The following C4orf50 variants were observed in gnomAD, a reference collection of about 807,000 sequenced individuals.
C4orf50 encodes the protein uncharacterized protein C4orf50.
Under a neutral mutation model 77.2 loss-of-function variants are expected in C4orf50, and 80 were observed. That is an observed-to-expected ratio of 1.04 (90% CI 0.87 to 1.25). C4orf50 has a LOEUF of 1.25. Among genes scored for constraint, C4orf50 ranks in the 50% most tolerant of loss-of-function variants. The pLI is 0.00. For missense variants in C4orf50, 1,257 were observed against 1,152.9 expected, an observed-to-expected ratio of 1.09 and a Z score of -1.31; for synonymous variants, 532 against 465.3, an observed-to-expected ratio of 1.14 and a Z score of -1.84.
At chr4:5,980,303 ATCC>A in exon 29 of C4orf50, 1 of 1,612,698 alleles carries the variant, frequency 6.2e-7, no homozygotes, top group Non-Finnish European at 8.5e-7. Flanking sequence ...GCAGCCTGGG[ATCC>A]TCCTCAGTAA....
At chr4:5,952,265 T>A (rs144010298), downstream of C4orf50, among the ~76,000 whole-genome samples, 3 of 152,196 alleles carry the variant, frequency 2.0e-5, no homozygotes, top group East Asian at 3.9e-4. This position sits in a 1 kb window ranked among gnomAD's most constrained non-coding sequence, Gnocchi z 4.4. Flanking sequence ...GATAGATAGA[T>A]AATAGATAGA....
At chr4:5,967,350 G>T in intron 32 of C4orf50, 64 bp downstream of exon 10, 1 of 1,342,062 alleles carries the variant, frequency 7.5e-7, no homozygotes, top group Non-Finnish European at 1.1e-6. Flanking sequence ...ACCTCTCACA[G>T]CGTCCTGCCG....
chr4:5,915,661 G>A (rs1429704010), intron 7 of C4orf50, among the ~76,000 whole-genome samples: 2 of 152,230 alleles, frequency 1.3e-5, no homozygotes, highest in African/African-American at 4.8e-5. Flanking sequence ...CAACTGAGTG[G>A]TCGGTAGCAT....
At chr4:5,950,709 C>A (rs545796644) in intron 7 of C4orf50, among the ~76,000 whole-genome samples, 1,521 of 150,192 alleles carry the variant, frequency 0.01, 25 homozygotes, top group African/African-American at 0.035. Flanking sequence ...TCTCCACCCC[C>A]GTTTTTCTTC....
At chr4:5,968,103 C>T (rs771645412) in intron 31 of C4orf50, among the ~76,000 whole-genome samples, 1 of 152,234 alleles carries the variant, frequency 6.6e-6, no homozygotes, top group Non-Finnish European at 1.5e-5. Flanking sequence ...GCTGTGATAA[C>T]TCTTTCCTGT....
intron 7 of C4orf50, among the ~76,000 whole-genome samples, chr4:5,934,194 G>C (rs114435677): frequency 0.014 from 2,121 of 152,134 alleles, 45 homozygotes; most frequent in African/African-American, 0.047. Flanking sequence ...GTAGACGGCT[G>C]CATGGTAAGG....
chr4:5,926,019 G>A (rs918620161), intron 7 of C4orf50, among the ~76,000 whole-genome samples: 2 of 152,198 alleles, frequency 1.3e-5, no homozygotes, highest in African/African-American at 2.4e-5. Flanking sequence ...TGCAGAAGGC[G>A]GAGCCACGCA....
chr4:5,911,408 A>G (rs76580864), intron 7 of C4orf50, among the ~76,000 whole-genome samples: 2,959 of 152,310 alleles, frequency 0.019, 104 homozygotes, highest in African/African-American at 0.066. Flanking sequence ...TGAAGTTACA[A>G]TGAGACTTGC....
Position 5,908,752 on chromosome 4 carries a change from A to T in C4orf50, c.*2475-10564T>A, listed in dbSNP as rs1161652917. ...CACCATTCACCTAGCTCCCAAGGTC[A>T]TGCAGCCTTCAGTGGGGATGCACAG... On this transcript the variant is annotated intron_variant, in intron 7 of 7. Transcript: ENST00000324058. This position sits in a 1 kb window ranked among gnomAD's most constrained non-coding sequence, Gnocchi z 5.6. 6.6e-6 allele frequency among the ~76,000 whole-genome samples: 1 copy of T among 152,194 alleles called. No homozygotes were observed. Among genetic ancestry groups the T allele is most frequent in the Non-Finnish European group, 1.5e-5 (1 of 68,036 alleles).
At chr4:5,982,787 G>C (rs1720663340) in intron 28 of C4orf50, among the ~76,000 whole-genome samples, 1 of 152,138 alleles carries the variant, frequency 6.6e-6, no homozygotes, top group African/African-American at 2.4e-5. Context: ...AACCAGCCTG[G>C]GGGTGGGGGG....
At chr4:5,967,632 C>T (rs1719659856) in intron 31 of C4orf50, among the ~76,000 whole-genome samples, 170 bp from the exon 10 acceptor site, 1 of 109,918 alleles carries the variant, frequency 9.1e-6, no homozygotes, top group Admixed American at 9.3e-5. Context: ...CTCTTCTCTC[C>T]AGGATGCTCA....
exon 28 of C4orf50, chr4:5,989,633 C>T: frequency 1.3e-6 from 2 of 1,536,124 alleles, no homozygotes; most frequent in African/African-American, 1.4e-5. Flanking sequence ...TGTGCAAGCT[C>T]ATCGATTGTG....
chr4:5,900,446 G>A lies in C4orf50; in HGVS notation c.*2475-2258C>T, dbSNP rs1320399807. ...ATCATGTAAGTCTAGCCAAAAAGTA[G>A]GTGAGTTTCCAAGATATCCTGGGAT... On this transcript the variant is annotated intron_variant, in intron 7 of 7. Coordinates refer to the C4orf50 transcript ENST00000324058. This position sits in a 1 kb window ranked among gnomAD's most constrained non-coding sequence, Gnocchi z 4.3. 2.6e-5 allele frequency: 4 copies of A among 152,000 alleles called. No individual in the cohort carries two copies. Among genetic ancestry groups the A allele is most frequent in the African/African-American group, 9.7e-5 (4 of 41,380 alleles). The allele number at this position is 152,000 out of a possible 1,614,324, so 9.4% of individuals were successfully genotyped here.
At chr4:6,012,736 G>A (rs748211974) in intron 23 of C4orf50, among the ~76,000 whole-genome samples, 57 of 152,300 alleles carry the variant, frequency 3.7e-4, no homozygotes, top group African/African-American at 1.3e-3. Flanking sequence ...GGAGACACAC[G>A]CAGGGTCGGG....
Position 5,916,834 on chromosome 4 carries a change from G to A in C4orf50, c.*2475-18646C>T, listed in dbSNP as rs1717048622. On this transcript the variant is annotated intron_variant, in intron 7 of 7. Coordinates refer to the C4orf50 transcript ENST00000324058. This position sits in a 1 kb window ranked among gnomAD's most constrained non-coding sequence, Gnocchi z 4.4. ...GGACAGGAGCCTCTGCTTGAGGTGG[G>A]CACAAGCAGAGTCTGAGCTTGCCAG... Among the ~76,000 whole-genome samples, 1 of 152,156 alleles carries A rather than the reference G, an allele frequency of 6.6e-6. No homozygotes were observed. Among genetic ancestry groups the A allele is most frequent in the Admixed American group, 6.5e-5 (1 of 15,284 alleles).
At chr4:5,980,954 A>T (rs965801372) in intron 28 of C4orf50, among the ~76,000 whole-genome samples, 9 of 152,272 alleles carry the variant, frequency 5.9e-5, no homozygotes, top group Admixed American at 2.0e-4. Context: ...AATTTCTGGG[A>T]GGAAGGACAG....
intron 7 of C4orf50, among the ~76,000 whole-genome samples, chr4:5,907,088 C>T (rs929566735): frequency 2.6e-5 from 4 of 152,190 alleles, no homozygotes; most frequent in African/African-American, 9.7e-5. Context: ...AAGCACCTGG[C>T]ATCTGGGTAC....
chr4:5,969,282 T>C (rs1719764763), intron 31 of C4orf50, among the ~76,000 whole-genome samples: 1 of 151,962 alleles, frequency 6.6e-6, no homozygotes, highest in Non-Finnish European at 1.5e-5. Flanking sequence ...CCTGGATCCT[T>C]GGAGGCCCAG....
At chr4:5,917,541 G>A (rs1218083339) in intron 7 of C4orf50, among the ~76,000 whole-genome samples, 2 of 150,124 alleles carry the variant, frequency 1.3e-5, no homozygotes, top group South Asian at 2.1e-4. Context: ...AGCCTCCTGA[G>A]TAGCTGGGAC....
Sources: allele counts gnomAD v4.1 joint callset (sites outside exome capture counted in the v4.1 genomes callset), GRCh38; gene constraint gnomAD v4.1.1; non-coding constraint Gnocchi (gnomAD v3.1); transcripts MANE v1.5; gene names NCBI Gene and HGNC (gene_info 2026-07-23, HGNC 2026-07-21).